The following SLC17A3 variants were observed in gnomAD, a reference collection of about 807,000 sequenced individuals.
SLC17A3 encodes sodium-dependent phosphate transport protein 4.
SLC17A3 carries 61 observed loss-of-function variants against 60.3 expected under a neutral mutation model. The observed-to-expected ratio is 1.01, with a 90% confidence interval of 0.82 to 1.25. The LOEUF (loss-of-function observed/expected upper bound fraction) is 1.25. SLC17A3 is among the 50% of genes most tolerant of loss of function. SLC17A3 has a pLI of 0.00. For missense variants in SLC17A3, 624 were observed against 594.9 expected, an observed-to-expected ratio of 1.05 and a Z score of -0.51; for synonymous variants, 192 against 208.9, an observed-to-expected ratio of 0.92 and a Z score of 0.70.
chr6:25,847,227 A>G (rs1429933902), intron 11 of SLC17A3, among the ~76,000 whole-genome samples: 1 of 152,148 alleles, frequency 6.6e-6, no homozygotes, highest in Non-Finnish European at 1.5e-5. Context: ...CTCCAGCACC[A>G]TCCATTTTCC....
chr6:25,863,345 G>A (rs2151525486), intron 2 of SLC17A3, among the ~76,000 whole-genome samples: 1 of 152,190 alleles, frequency 6.6e-6, no homozygotes, highest in Middle Eastern at 3.4e-3. Flanking sequence ...TAAGTGAGTA[G>A]AAGGTATCCT....
chr6:25,861,507 A>T, intron 5 of SLC17A3, 117 bp downstream of exon 5: 1 of 846,826 alleles, frequency 1.2e-6, no homozygotes, highest in Non-Finnish European at 2.0e-6. Flanking sequence ...TTTTTAATTT[A>T]AAAATACTTC....
chr6:25,865,830 T>C (rs944647333), intron 2 of SLC17A3, among the ~76,000 whole-genome samples: 7 of 151,978 alleles, frequency 4.6e-5, no homozygotes, highest in Non-Finnish European at 8.8e-5. Flanking sequence ...TATACAAGAA[T>C]GTGTGGGTCT....
chr6:25,871,557 C>T (rs1765642568), intron 1 of SLC17A3, among the ~76,000 whole-genome samples: 1 of 151,738 alleles, frequency 6.6e-6, no homozygotes, highest in South Asian at 2.1e-4. Context: ...TTAATGGGTG[C>T]AGCACACCAA....
chr6:25,856,529 T>G (rs534615352), intron 5 of SLC17A3, among the ~76,000 whole-genome samples: 1 of 152,262 alleles, frequency 6.6e-6, no homozygotes, highest in Non-Finnish European at 1.5e-5. Flanking sequence ...TAAGCCACCA[T>G]GCCCAGCCCC....
intron 6 of SLC17A3, among the ~76,000 whole-genome samples, chr6:25,851,836 C>T (rs566803549): frequency 1.2e-4 from 18 of 152,090 alleles, no homozygotes; most frequent in African/African-American, 4.3e-4. Flanking sequence ...GTTAGTCCTA[C>T]AACTTTGTAA....
intron 2 of SLC17A3, among the ~76,000 whole-genome samples, chr6:25,864,217 G>A (rs779666413): frequency 9.9e-5 from 15 of 151,904 alleles, no homozygotes; most frequent in Admixed American, 2.6e-4. Context: ...TGTCAGGAAA[G>A]CTAGATCATG....
chr6:25,847,503 G>A (rs1049588025), intron 11 of SLC17A3, among the ~76,000 whole-genome samples: 34 of 152,052 alleles, frequency 2.2e-4, no homozygotes, highest in African/African-American at 7.2e-4. Flanking sequence ...TTTCCACAAC[G>A]GTTGAACTAA....
chr6:25,857,033 TA>T (rs1191803807), intron 5 of SLC17A3, among the ~76,000 whole-genome samples: 1 of 151,444 alleles, frequency 6.6e-6, no homozygotes, highest in Non-Finnish European at 1.5e-5. Context: ...AAACAAAAAG[TA>T]AAAAATTATC....
chr6:25,870,280 A>G (rs1372845926), intron 1 of SLC17A3, among the ~76,000 whole-genome samples: 8 of 151,976 alleles, frequency 5.3e-5, no homozygotes, highest in African/African-American at 1.9e-4. Context: ...TTCTATATTC[A>G]AAGATTGCCT....
At chr6:25,874,141 T>C (rs972479921) in intron 1 of SLC17A3, 26 bp downstream of exon 1, 3 of 152,116 alleles carry the variant, frequency 2.0e-5, no homozygotes, top group African/African-American at 7.2e-5. Flanking sequence ...GAGGTCTTCA[T>C]CTCAATACCA....
At chr6:25,858,038 T>C (rs1488591989) in intron 5 of SLC17A3, among the ~76,000 whole-genome samples, 1 of 152,080 alleles carries the variant, frequency 6.6e-6, no homozygotes, top group Non-Finnish European at 1.5e-5. Context: ...TTGGAGGGGA[T>C]GGAGTCTCAT....
chr6:25,854,680 G>A (rs536146999), intron 6 of SLC17A3, among the ~76,000 whole-genome samples: 14 of 152,318 alleles, frequency 9.2e-5, no homozygotes, highest in East Asian at 1.9e-4. Context: ...GGACAAATGC[G>A]GAGGTTGGCA....
At chr6:25,869,982 G>A (rs145090701) in intron 1 of SLC17A3, among the ~76,000 whole-genome samples, 2 of 151,804 alleles carry the variant, frequency 1.3e-5, no homozygotes, top group Middle Eastern at 3.2e-3. Flanking sequence ...CCACCCCATG[G>A]CTATATCACA....
chr6:25,853,388 A>T (rs1765310329), intron 6 of SLC17A3, among the ~76,000 whole-genome samples: 1 of 147,376 alleles, frequency 6.8e-6, no homozygotes, highest in Non-Finnish European at 1.5e-5. Context: ...TTTGGTTTAA[A>T]TCCATTAATT....
chr6:25,872,677 A>G (rs900476214), intron 1 of SLC17A3, among the ~76,000 whole-genome samples: 10 of 151,258 alleles, frequency 6.6e-5, no homozygotes, highest in African/African-American at 2.2e-4. Flanking sequence ...TTCCTTTGCA[A>G]TGATGTGACC....
chr6:25,872,726 C>A (rs1332491410), intron 1 of SLC17A3, among the ~76,000 whole-genome samples: 1 of 151,832 alleles, frequency 6.6e-6, no homozygotes, highest in Non-Finnish European at 1.5e-5. Context: ...AAGATGACAT[C>A]CTTCATACCC....
At chr6:25,870,194 A>G (rs1245120727) in intron 1 of SLC17A3, among the ~76,000 whole-genome samples, 5 of 151,972 alleles carry the variant, frequency 3.3e-5, no homozygotes, top group African/African-American at 1.2e-4. Flanking sequence ...AGATCTTGGC[A>G]TTGGGCATTC....
At chr6:25,869,977 C>T (rs80135730) in intron 1 of SLC17A3, among the ~76,000 whole-genome samples, 5,445 of 152,074 alleles carry the variant, frequency 0.036, 280 homozygotes, top group African/African-American at 0.12. Flanking sequence ...ATATTCCACC[C>T]CATGGCTATA....
Sources: allele counts gnomAD v4.1 joint callset (sites outside exome capture counted in the v4.1 genomes callset), GRCh38; gene constraint gnomAD v4.1.1; transcripts MANE v1.5; gene names NCBI Gene and HGNC (gene_info 2026-07-23, HGNC 2026-07-21).